Variants in HOOK3 observed in about 807,000 individuals in gnomAD.
The protein encoded by HOOK3 is hook microtubule tethering protein 3.
In HOOK3, 24 loss-of-function variants were observed where a neutral mutation model predicts 116.3. The ratio of observed to expected loss-of-function variants is 0.21; its 90% CI spans 0.15 to 0.29. HOOK3 has a LOEUF of 0.29. HOOK3 is among the 10% of genes least tolerant of loss of function. HOOK3 has a pLI of 1.00. For synonymous variants in HOOK3, 275 were observed against 283.0 expected, an observed-to-expected ratio of 0.97 and a Z score of 0.28; for missense variants, 632 against 830.2, an observed-to-expected ratio of 0.76 and a Z score of 2.93.
chr8:42,926,087 A>G (rs966967804), intron 3 of HOOK3, among the ~76,000 whole-genome samples: 8 of 152,196 alleles, frequency 5.3e-5, no homozygotes, highest in African/African-American at 1.9e-4. Context: ...TTTCCTTCCT[A>G]GTAACCTTTA....
Position 43,022,702 on chromosome 8 carries a change from T to G in HOOK3, c.*4204T>G, listed in dbSNP as rs527270000. On this transcript the variant is annotated 3_prime_UTR_variant, in exon 22 of 22. Coordinates refer to ENST00000307602, the MANE Select transcript of HOOK3 (RefSeq NM_032410.4). ...TATCTTTTACCATTTGTCTATTTGA[T>G]AGTAATGCAGAAAAAAGTCCCTAAA... 5.5e-6 allele frequency: 1 copy of G among 180,830 alleles called. No individual in the cohort carries two copies. The highest frequency in any genetic ancestry group is 1.2e-5 in the Non-Finnish European group (1 of 84,686). The allele number at this position is 180,830 out of a possible 1,614,324, so 11.2% of individuals were successfully genotyped here.
At chr8:42,913,106 T>C (rs576476312) in intron 2 of HOOK3, among the ~76,000 whole-genome samples, 1 of 151,594 alleles carries the variant, frequency 6.6e-6, no homozygotes, top group East Asian at 1.9e-4. Context: ...AGCTTCCCAC[T>C]TTTTTTTTCA....
In HOOK3 at chr8:43,012,992, A is replaced by G. The variant is rs1809641416; in HGVS notation, c.1840-59A>G. 3.0e-6 allele frequency: 3 copies of G among 996,056 alleles called. No individual in the cohort carries two copies. The Admixed American group carries it at 7.8e-5, about 26-fold the overall frequency. The allele number at this position is 996,056 out of a possible 1,614,324, so 61.7% of individuals were successfully genotyped here. A position where few individuals can be genotyped will look rare whatever the true frequency, so the allele number is the denominator to read the frequency against. On this transcript the variant is annotated intron_variant, in intron 19 of 21. Coordinates refer to ENST00000307602, the MANE Select transcript of HOOK3 (RefSeq NM_032410.4). ...TTAAAAAAATAGTCATTCTTTTCTT[A>G]AACGTTACATTCTTTAAGTTTGAGA...
chr8:42,974,525 C>T (rs927152545), intron 13 of HOOK3, among the ~76,000 whole-genome samples: 18 of 152,216 alleles, frequency 1.2e-4, no homozygotes. Flanking sequence ...AGGCGTGAGC[C>T]ACCACGCCCA....
At chr8:42,928,428 G>A (rs1032291304) in intron 3 of HOOK3, among the ~76,000 whole-genome samples, 4 of 151,936 alleles carry the variant, frequency 2.6e-5, no homozygotes, top group African/African-American at 7.3e-5. Flanking sequence ...TCCAGCCTGG[G>A]CGACAGAGCA....
At chr8:42,956,539 CT>C (rs1808439823) in intron 6 of HOOK3, among the ~76,000 whole-genome samples, 1 of 151,664 alleles carries the variant, frequency 6.6e-6, no homozygotes. Context: ...TCTTATGGTG[CT>C]GATAGACCTT....
At chr8:42,901,198 G>A (rs968826150) in intron 1 of HOOK3, among the ~76,000 whole-genome samples, 7 of 152,280 alleles carry the variant, frequency 4.6e-5, no homozygotes, top group African/African-American at 1.7e-4. Context: ...CTCTTCTCAT[G>A]CTTTTGTTGG....
At chr8:42,901,950 C>A (rs775916172) in intron 1 of HOOK3, among the ~76,000 whole-genome samples, 3 of 152,166 alleles carry the variant, frequency 2.0e-5, no homozygotes, top group Non-Finnish European at 4.4e-5. Flanking sequence ...CCTCAAGATC[C>A]ACCCGCCTCG....
chr8:43,008,392 C>T (rs1438376736), intron 18 of HOOK3, among the ~76,000 whole-genome samples: 1 of 137,984 alleles, frequency 7.2e-6, no homozygotes, highest in Non-Finnish European at 1.5e-5. Context: ...CAGCTCACTG[C>T]AGCAGTCTTG....
At chr8:42,954,481 G>A (rs1808400092) in intron 6 of HOOK3, among the ~76,000 whole-genome samples, 1 of 152,158 alleles carries the variant, frequency 6.6e-6, no homozygotes, top group African/African-American at 2.4e-5. Context: ...TTAAATTGTG[G>A]TATGTCCATA....
chr8:42,971,113 C>G (rs1247222513), intron 11 of HOOK3, among the ~76,000 whole-genome samples: 1 of 151,602 alleles, frequency 6.6e-6, no homozygotes, highest in Non-Finnish European at 1.5e-5. Context: ...ATTCCATATC[C>G]TTTTTTTTCT....
Position 42,997,599 on chromosome 8 carries a change from C to A in HOOK3, c.1582C>A (p.Gln528Lys). 6.2e-7 allele frequency: 1 copy of A among 1,610,198 alleles called. No homozygotes were observed. Among genetic ancestry groups the A allele is most frequent in the Non-Finnish European group, 8.5e-7 (1 of 1,176,954 alleles). ...LEVQSQVEEL[Q>K]KSLQDQGSKA... The stretch of plus-strand genomic sequence containing the variant: ...AGTACAGTCACAAGTTGAAGAATTA[C>A]AAAAATCTTTACAGGATCAAGGCTC... Residue 528 changes from glutamine (Q) to lysine (K), a missense_variant, in exon 16 of 22, where the codon CAA becomes AAA. Gln to Lys is a moderately conservative substitution (Grantham distance 53). This residue lies in a region of HOOK3 where 483 missense variants were observed against 648.1 expected (regional missense o/e 0.75). Transcript: ENST00000307602.
At chr8:42,986,314 C>T (rs181518155) in intron 14 of HOOK3, among the ~76,000 whole-genome samples, 2 of 152,132 alleles carry the variant, frequency 1.3e-5, no homozygotes, top group Admixed American at 1.3e-4. Context: ...AAGATCATAG[C>T]ATCATTAGAG....
At chr8:42,937,283 T>C (rs1033707121) in intron 4 of HOOK3, among the ~76,000 whole-genome samples, 1 of 152,126 alleles carries the variant, frequency 6.6e-6, no homozygotes, top group Non-Finnish European at 1.5e-5. Context: ...TCTCTTTTCT[T>C]CTTTATTAGT....
At chr8:42,938,278 G>A (rs1808013854) in intron 4 of HOOK3, among the ~76,000 whole-genome samples, 1 of 147,288 alleles carries the variant, frequency 6.8e-6, no homozygotes, top group Admixed American at 6.8e-5. Flanking sequence ...TTTATTTTGA[G>A]CCTATATGTG....
intron 19 of HOOK3, among the ~76,000 whole-genome samples, chr8:43,011,031 CG>C (rs1809597055): frequency 6.6e-6 from 1 of 151,374 alleles, no homozygotes; most frequent in East Asian, 1.9e-4. Flanking sequence ...CTCGCTCTGT[CG>C]CCCAGGCTGG....
intron 2 of HOOK3, among the ~76,000 whole-genome samples, chr8:42,912,466 G>C (rs1352320967): frequency 6.6e-6 from 1 of 152,202 alleles, no homozygotes; most frequent in African/African-American, 2.4e-5. Flanking sequence ...GAGTGGAAAA[G>C]AGTTTCAATA....
chr8:42,963,661 A>G lies in HOOK3; in HGVS notation c.616-650A>G, dbSNP rs146489086. ...AAGTTTCTTTGCCAACATTTGGTAC[A>G]GTCAGTCTTTTTAATTTTATTTATT... On this transcript the variant is annotated intron_variant, in intron 8 of 21. Coordinates refer to ENST00000307602, the MANE Select transcript of HOOK3 (RefSeq NM_032410.4). Among the ~76,000 whole-genome samples, 38 of 152,300 alleles carry G rather than the reference A, an allele frequency of 2.5e-4. No individual in the cohort carries two copies. The East Asian group carries it at 7.3e-3, about 29-fold the overall frequency.
intron 2 of HOOK3, among the ~76,000 whole-genome samples, chr8:42,923,202 GATA>G (rs1169376430): frequency 6.6e-6 from 1 of 152,196 alleles, no homozygotes; most frequent in African/African-American, 2.4e-5. Context: ...TAAAAAGACA[GATA>G]ATAACGAGTA....
Sources: allele counts gnomAD v4.1 joint callset (sites outside exome capture counted in the v4.1 genomes callset), GRCh38; gene constraint gnomAD v4.1.1; regional missense constraint gnomAD v4.1.1; transcripts MANE v1.5; gene names NCBI Gene and HGNC (gene_info 2026-07-23, HGNC 2026-07-21).